The following NBEA variants were observed in gnomAD, a reference collection of about 807,000 sequenced individuals.
NBEA encodes the protein neurobeachin, also known as lysosomal-trafficking regulator 2.
NBEA carries 44 observed loss-of-function variants against 343.4 expected under a neutral mutation model. That is an observed-to-expected ratio of 0.13 (90% CI 0.10 to 0.16). The LOEUF is 0.16. NBEA is among the 10% of genes least tolerant of loss of function. NBEA has a pLI of 1.00. For missense variants in NBEA, 2,555 were observed against 3,631.3 expected, an observed-to-expected ratio of 0.70 and a Z score of 7.62; for synonymous variants, 1,175 against 1,238.7, an observed-to-expected ratio of 0.95 and a Z score of 1.08.
At chr13:35,493,090 T>C (rs980452703) in intron 41 of NBEA, among the ~76,000 whole-genome samples, 1 of 151,946 alleles carries the variant, frequency 6.6e-6, no homozygotes, top group African/African-American at 2.4e-5. Flanking sequence ...CTGAATTCTC[T>C]AAAAGTGATT....
At chr13:35,316,059 T>G (rs1350345032) in intron 36 of NBEA, among the ~76,000 whole-genome samples, 2 of 151,958 alleles carry the variant, frequency 1.3e-5, no homozygotes, top group African/African-American at 4.8e-5. Flanking sequence ...TGTGTTTTCT[T>G]ATAAAATCTG....
intron 33 of NBEA, among the ~76,000 whole-genome samples, chr13:35,232,247 C>T (rs1036722535): frequency 6.6e-6 from 1 of 152,112 alleles, no homozygotes; most frequent in African/African-American, 2.4e-5. Context: ...GTCTTTGGCC[C>T]TTTCGGGTGG....
intron 34 of NBEA, among the ~76,000 whole-genome samples, chr13:35,253,774 A>G (rs2032254199): frequency 6.6e-6 from 1 of 152,162 alleles, no homozygotes; most frequent in Admixed American, 6.5e-5. Context: ...AATATTTACT[A>G]TCTGACCCTT....
chr13:35,289,669 G>C (rs2035671844), intron 34 of NBEA, among the ~76,000 whole-genome samples: 1 of 151,848 alleles, frequency 6.6e-6, no homozygotes, highest in South Asian at 2.1e-4. Context: ...AGAGTATAAT[G>C]ATAATTAAAT....
At chr13:35,384,816 G>A (rs190590231) in intron 38 of NBEA, among the ~76,000 whole-genome samples, 250 of 152,108 alleles carry the variant, frequency 1.6e-3, no homozygotes, top group African/African-American at 5.9e-3. Flanking sequence ...GTGAGCCACC[G>A]CGCCCGGCCT....
intron 17 of NBEA, among the ~76,000 whole-genome samples, chr13:35,126,673 C>G (rs186977862): frequency 6.6e-6 from 1 of 152,168 alleles, no homozygotes; most frequent in Non-Finnish European, 1.5e-5. Flanking sequence ...AATCCCAGCA[C>G]TTTGGGAGGC....
At chr13:35,500,279 G>T (rs1403248861) in intron 41 of NBEA, among the ~76,000 whole-genome samples, 1 of 152,016 alleles carries the variant, frequency 6.6e-6, no homozygotes, top group Non-Finnish European at 1.5e-5. Context: ...GTTTAACAAG[G>T]GTCAAATTAA....
chr13:34,979,391 G>C (rs560534525), intron 1 of NBEA, among the ~76,000 whole-genome samples: 1 of 152,220 alleles, frequency 6.6e-6, no homozygotes, highest in African/African-American at 2.4e-5. Context: ...ATGGTGGCGT[G>C]CACCTGTAAT....
At chr13:35,037,911 C>T (rs1205888881) in intron 1 of NBEA, among the ~76,000 whole-genome samples, 3 of 152,170 alleles carry the variant, frequency 2.0e-5, no homozygotes, top group African/African-American at 7.2e-5. Context: ...GCCAGCTGGG[C>T]CTGTGTCCTT....
intron 1 of NBEA, among the ~76,000 whole-genome samples, chr13:34,944,490 A>G (rs2059129092): frequency 6.6e-6 from 1 of 152,216 alleles, no homozygotes; most frequent in African/African-American, 2.4e-5. Flanking sequence ...TTAAAACAAA[A>G]CACCTCTTTT....
intron 36 of NBEA, among the ~76,000 whole-genome samples, chr13:35,317,854 T>C (rs1006719289): frequency 3.9e-5 from 6 of 152,140 alleles, no homozygotes; most frequent in Admixed American, 6.5e-5. Context: ...GGTATTATCT[T>C]AGTAGCAGTG....
intron 18 of NBEA, among the ~76,000 whole-genome samples, chr13:35,146,280 C>T (rs563164029): frequency 3.9e-5 from 6 of 152,134 alleles, no homozygotes; most frequent in East Asian, 3.9e-4. Context: ...TAAGGTAAAG[C>T]GTTTTGATTT....
intron 17 of NBEA, among the ~76,000 whole-genome samples, chr13:35,125,429 A>G (rs888026698): frequency 1.3e-5 from 2 of 152,236 alleles, no homozygotes; most frequent in African/African-American, 4.8e-5. Flanking sequence ...AGATATACAT[A>G]TATCATGCCT....
At chr13:35,074,747 T>C (rs1298406254) in intron 10 of NBEA, among the ~76,000 whole-genome samples, 1 of 152,158 alleles carries the variant, frequency 6.6e-6, no homozygotes, top group African/African-American at 2.4e-5. Context: ...TACATATAAA[T>C]AGTAAAAAGG....
Position 35,646,274 on chromosome 13 carries a change from A to T in NBEA, c.7696A>T (p.Ile2566Leu), listed in dbSNP as rs1407431290. 7.4e-6 allele frequency: 12 copies of T among 1,613,518 alleles called. No homozygotes were observed. The highest frequency in any genetic ancestry group is 3.3e-5 in the Admixed American group (2 of 59,998). Residue 2566 changes from isoleucine (I) to leucine (L), a missense_variant, in exon 51 of 59, where the codon ATA (isoleucine) becomes TTA (leucine). Ile to Leu is a conservative substitution (Grantham distance 5). Coordinates refer to ENST00000379939, the MANE Select transcript of NBEA (RefSeq NM_001385012.1). ...TCCCCTGCAGGCCATGGAGGCACAG[A>T]TACAGAACTTTGGACAGACGCCATC... ...KDFIKAMEAQ[I>L]QNFGQTPSQL...
intron 24 of NBEA, among the ~76,000 whole-genome samples, chr13:35,168,097 A>T (rs2070176773): frequency 6.6e-6 from 1 of 151,758 alleles, no homozygotes; most frequent in African/African-American, 2.4e-5. Flanking sequence ...ATTTGGAAAA[A>T]TTATGAATAA....
chr13:35,369,922 T>C (rs1466579577), intron 38 of NBEA, among the ~76,000 whole-genome samples: 4 of 152,118 alleles, frequency 2.6e-5, no homozygotes, highest in Non-Finnish European at 5.9e-5. Flanking sequence ...CTTGTCTTGT[T>C]GAGACTTATT....
At chr13:35,109,566 A>G in intron 12 of NBEA, 124 bp downstream of exon 12, 4 of 883,150 alleles carry the variant, frequency 4.5e-6, no homozygotes, top group Non-Finnish European at 4.7e-6. Context: ...ATCTGTGGCA[A>G]TTGTGTTAGG....
intron 8 of NBEA, among the ~76,000 whole-genome samples, chr13:35,062,467 G>A (rs1475392588): frequency 6.6e-6 from 1 of 151,808 alleles, no homozygotes; most frequent in African/African-American, 2.4e-5. Context: ...TTGGTAAAAG[G>A]CTTACATTTA....
Sources: gnomAD v4.1 joint callset for allele counts (sites outside exome capture counted in the v4.1 genomes callset) on GRCh38, gnomAD v4.1.1 for gene constraint, MANE v1.5 for transcripts, NCBI Gene and HGNC (gene_info 2026-07-23, HGNC 2026-07-21) for gene names.